Variants in SLC26A1 observed in about 807,000 individuals in gnomAD.
The protein encoded by SLC26A1 is solute carrier family 26 member 1.
Under a neutral mutation model 14.5 loss-of-function variants are expected in SLC26A1, and 18 were observed. The observed-to-expected ratio is 1.24, with a 90% CI of 0.86 to 1.84. The LOEUF is 1.84. Ranked by LOEUF, SLC26A1 falls within the 40% of genes most tolerant of loss-of-function variation. The pLI is 0.00. For synonymous variants in SLC26A1, 505 were observed against 492.0 expected (o/e 1.03, Z -0.35); for missense variants, 1,049 against 1,020.0 (o/e 1.03, Z -0.39).
downstream of SLC26A1, among the ~76,000 whole-genome samples, chr4:982,966 A>G (rs1713591213): frequency 6.6e-6 from 1 of 152,204 alleles, no homozygotes; most frequent in African/African-American, 2.4e-5. Context: ...TACGTCTTGG[A>G]TGCTTCACGG....
intron 2 of SLC26A1, among the ~76,000 whole-genome samples, chr4:979,738 C>T (rs571450782): frequency 1.3e-5 from 2 of 152,344 alleles, no homozygotes; most frequent in East Asian, 1.9e-4. Context: ...CCCGTGAATC[C>T]GTCCCACTGT....
At chr4:982,975 G>A (rs910177570), downstream of SLC26A1, among the ~76,000 whole-genome samples, 4 of 152,226 alleles carry the variant, frequency 2.6e-5, no homozygotes, top group African/African-American at 9.6e-5. Flanking sequence ...GATGCTTCAC[G>A]GAACCATGCC....
chr4:980,481 G>A (rs1240764938), intron 2 of SLC26A1, among the ~76,000 whole-genome samples: 1 of 151,928 alleles, frequency 6.6e-6, no homozygotes, highest in Non-Finnish European at 1.5e-5. Context: ...AGCTACTTGG[G>A]AGGCTGAGGC....
At position 989,587 on chromosome 4, in the gene SLC26A1, C is replaced by A. The variant is rs761642769; in HGVS notation, c.1352G>T (p.Arg451Leu). Residue 451 changes from arginine to leucine, a missense_variant, in exon 3 of 3, where the codon CGG becomes CTG. By Grantham distance (102) the Arg-to-Leu change is moderately radical. Coordinates refer to ENST00000398516, the MANE Select transcript of SLC26A1 (RefSeq NM_022042.4). ...VLACVIVVSL[R>L]GALRKVWDLP... ...GTCCCACACCTTGCGCAGGGCCCCC[C>A]GCAGGCTGACCACGATGACGCAGGC... 2.5e-6 allele frequency: 4 copies of A among 1,599,110 alleles called. No homozygotes were observed. Among genetic ancestry groups the A allele is most frequent in the Non-Finnish European group, 3.4e-6 (4 of 1,174,548 alleles).
At chr4:982,647 A>G in intron 2 of SLC26A1, among the ~76,000 whole-genome samples, 1 of 152,208 alleles carries the variant, frequency 6.6e-6, no homozygotes, top group East Asian at 1.9e-4. Context: ...CCACTGGGCC[A>G]TTGCCCAAAA....
Position 987,761 on chromosome 4 carries a change from C to T in SLC26A1, c.*1072G>A. 6.2e-7 allele frequency: 1 copy of T among 1,609,910 alleles called. No homozygotes were observed. ...TTGAACGTGTGTGTCAGCCGCGCTG[C>T]CAGCCATGCTGAGGCTCGGGACTGA... is the stretch of plus-strand genomic sequence containing the variant. On this transcript the variant is annotated 3_prime_UTR_variant, in exon 3 of 3. Coordinates refer to ENST00000398516, the MANE Select transcript of SLC26A1 (RefSeq NM_022042.4).
chr4:989,119 G>A lies in SLC26A1; in HGVS notation c.1820C>T (p.Ala607Val), dbSNP rs1713995663. The A allele has an allele frequency of 6.2e-7, 1 of 1,605,760 alleles. No homozygotes were observed. The highest frequency in any genetic ancestry group is 1.1e-5 in the South Asian group (1 of 90,280). ...GTCGATGACCACTGTGTGGAAGCCG[G>A]CCGCTGCGGGCACCAGCGCAGCCCT... ...STRAALVPAAAGFHTVVIDCA... is the reference protein window; with the variant it reads ...STRAALVPAAVGFHTVVIDCA... Residue 607 changes from alanine to valine, a missense_variant, in exon 3 of 3, where the codon GCC (alanine) becomes GTC (valine). By Grantham distance (64) the Ala-to-Val change is moderately conservative. Coordinates refer to ENST00000398516, the MANE Select transcript of SLC26A1 (RefSeq NM_022042.4).
In SLC26A1 at chr4:989,482, G is replaced by C; in HGVS notation, c.1457C>G (p.Thr486Arg). Residue 486 changes from threonine (T) to arginine (R), a missense_variant, in exon 3 of 3, where the codon ACA (threonine) becomes AGA (arginine). Thr to Arg is a moderately conservative substitution (Grantham distance 71, BLOSUM62 -1). Coordinates refer to ENST00000398516, the MANE Select transcript of SLC26A1 (RefSeq NM_022042.4). ...GACGCCAGCCAGCAGCCCGGCCTCT[G>C]TGCTGACCAGCATACAGGTGGCCGC... is the stretch of plus-strand genomic sequence containing the variant. ...GTAATCMLVS[T>R]EAGLLAGVIL... The C allele has an allele frequency of 6.4e-7, 1 of 1,554,518 alleles. No homozygotes were observed. The highest frequency in any genetic ancestry group is 1.4e-5 in the African/African-American group (1 of 73,552).
intron 2 of SLC26A1, among the ~76,000 whole-genome samples, chr4:981,921 G>A (rs918989993): frequency 1.3e-5 from 2 of 152,068 alleles, no homozygotes; most frequent in African/African-American, 4.8e-5. Flanking sequence ...CCGGGTTCAC[G>A]CCATTCTCCT....
chr4:984,480 C>T (rs970706459), downstream of SLC26A1, among the ~76,000 whole-genome samples: 4 of 152,198 alleles, frequency 2.6e-5, no homozygotes, highest in Non-Finnish European at 4.4e-5. Flanking sequence ...GCATGGATCA[C>T]AAATGAACAA....
intron 1 of SLC26A1, 125 bp downstream of exon 1, chr4:993,176 C>G (rs183858834): frequency 7.2e-5 from 11 of 152,364 alleles, no homozygotes; most frequent in Admixed American, 5.9e-4. Context: ...GGAATGGGGA[C>G]AGTAGGGCCA....
chr4:983,530 G>A (rs764465143), downstream of SLC26A1, among the ~76,000 whole-genome samples: 9 of 152,230 alleles, frequency 5.9e-5, no homozygotes, highest in Admixed American at 1.3e-4. Flanking sequence ...GATGGGCCTC[G>A]CTGGGCTCCC....
intron 2 of SLC26A1, among the ~76,000 whole-genome samples, chr4:980,689 G>A (rs148892548): frequency 2.5e-4 from 38 of 151,586 alleles, no homozygotes; most frequent in African/African-American, 8.5e-4. Flanking sequence ...TTTTTAAGAC[G>A]AAAACCAAGA....
chr4:983,193 C>A (rs1024420509), downstream of SLC26A1, among the ~76,000 whole-genome samples: 3 of 152,206 alleles, frequency 2.0e-5, no homozygotes, highest in Non-Finnish European at 2.9e-5. Flanking sequence ...ACACAATATA[C>A]CGTTTCTGTT....
chr4:979,888 C>T (rs971368292), intron 2 of SLC26A1, among the ~76,000 whole-genome samples: 4 of 152,232 alleles, frequency 2.6e-5, no homozygotes, highest in Admixed American at 6.5e-5. Flanking sequence ...TTCCAGAGGC[C>T]GCACACCTTT....
chr4:991,260 G>A lies in SLC26A1; in HGVS notation c.444C>T (p.Pro148=). 2 of 1,612,572 alleles carry A rather than the reference G, an allele frequency of 1.2e-6. No individual in the cohort carries two copies. The highest frequency in any genetic ancestry group is 1.7e-6 in the Non-Finnish European group (2 of 1,179,790). Residue 148 remains proline (P), a synonymous_variant, in exon 2 of 3, where the codon CCC becomes CCT. Coordinates refer to ENST00000398516, the MANE Select transcript of SLC26A1 (RefSeq NM_022042.4). The part of the protein sequence containing the change: ...DRELQLAGFD[P]SQDGLQPGAN... ...CTCCGGGCTGCAGGCCGTCCTGGGA[G>A]GGGTCAAAGCCGGCCAGCTGGAGCT...
chr4:987,593 G>A, downstream of SLC26A1: 4 of 1,410,780 alleles, frequency 2.8e-6, no homozygotes. Flanking sequence ...CCAGGGCCAG[G>A]GCTGGCGTTG....
In SLC26A1 at chr4:991,119, G is replaced by A; in HGVS notation, c.576+9C>T. The A allele has an allele frequency of 6.5e-7, 1 of 1,529,392 alleles. No homozygotes were observed. Among genetic ancestry groups the A allele is most frequent in the Non-Finnish European group, 8.8e-7 (1 of 1,137,246 alleles). 94.7% of individuals were successfully genotyped at this position (1,529,392 alleles called of 1,614,324 possible). A position where few individuals can be genotyped will look rare whatever the true frequency, so the allele number is the denominator to read the frequency against. On this transcript the variant is annotated intron_variant, in intron 2 of 2. Coordinates refer to ENST00000398516, the MANE Select transcript of SLC26A1 (RefSeq NM_022042.4). ...GGGCCCCTCCCTGTGCCCAAGCAGGGCTCCTCACCTGGTAAAGCCCGGTCA... is the reference window on the plus strand; with the variant it reads ...GGGCCCCTCCCTGTGCCCAAGCAGGACTCCTCACCTGGTAAAGCCCGGTCA...
At position 989,367 on chromosome 4, in the gene SLC26A1, A is replaced by G; in HGVS notation, c.1572T>C (p.Asp524=). Residue 524 remains aspartate, a synonymous_variant, in exon 3 of 3, where the codon GAT becomes GAC. Transcript: ENST00000398516. ...GGACGAGGCCCTCGAACTCTGTGGC[A>G]TCCTCGTAGAAGGCCGTGTCCCCGA... ...ARIGDTAFYE[D]ATEFEGLVPE... 1 of 1,588,016 alleles carries G rather than the reference A, an allele frequency of 6.3e-7. No individual in the cohort carries two copies. Among genetic ancestry groups the G allele is most frequent in the Non-Finnish European group, 8.6e-7 (1 of 1,167,700 alleles).
Sources: gnomAD v4.1 joint callset for allele counts (sites outside exome capture counted in the v4.1 genomes callset) on GRCh38, gnomAD v4.1.1 for gene constraint, MANE v1.5 for transcripts, NCBI Gene and HGNC (gene_info 2026-07-23, HGNC 2026-07-21) for gene names.